Variants in RPH3A observed in about 807,000 individuals in gnomAD.
RPH3A encodes rabphilin 3A.
Under a neutral mutation model 102.2 loss-of-function variants are expected in RPH3A, and 48 were observed. That is an observed-to-expected ratio of 0.47 (90% CI 0.37 to 0.60). The LOEUF is 0.60. Among genes scored for constraint, RPH3A ranks in the 20% least tolerant of loss-of-function variants. RPH3A has a pLI of 0.00. For synonymous variants in RPH3A, 310 were observed against 324.3 expected (o/e 0.96, Z 0.47); for missense variants, 781 against 910.1 (o/e 0.86, Z 1.83).
intron 2 of RPH3A, among the ~76,000 whole-genome samples, chr12:112,810,231 T>C (rs1473241471): frequency 1.3e-5 from 2 of 152,170 alleles, no homozygotes; most frequent in African/African-American, 4.8e-5. Flanking sequence ...GTCCTCAGCT[T>C]TGAAAGATGG....
At chr12:112,653,368 T>TAAA (rs754219546) in intron 1 of RPH3A, among the ~76,000 whole-genome samples, 2 of 109,260 alleles carry the variant, frequency 1.8e-5, no homozygotes, top group South Asian at 3.0e-4. Flanking sequence ...AGACTCCATC[T>TAAA]AAAAAAAAAA....
intron 1 of RPH3A, among the ~76,000 whole-genome samples, chr12:112,605,874 C>G (rs1469594517): frequency 6.6e-6 from 1 of 152,170 alleles, no homozygotes; most frequent in Non-Finnish European, 1.5e-5. Context: ...TTGGAGTGCT[C>G]AGAAAGATTT....
At chr12:112,713,042 T>C (rs1175076000) in intron 1 of RPH3A, among the ~76,000 whole-genome samples, 1 of 85,114 alleles carries the variant, frequency 1.2e-5, no homozygotes, top group African/African-American at 5.8e-5. Context: ...TTCTTCTTCT[T>C]CTTCTTCTCC....
At chr12:112,731,310 C>G (rs1186046187) in intron 1 of RPH3A, among the ~76,000 whole-genome samples, 1 of 152,110 alleles carries the variant, frequency 6.6e-6, no homozygotes, top group Non-Finnish European at 1.5e-5. Flanking sequence ...TTTCCATTCT[C>G]TGTTTTTGTG....
intron 1 of RPH3A, among the ~76,000 whole-genome samples, chr12:112,647,595 G>A (rs1268883367): frequency 7.2e-6 from 1 of 138,152 alleles, no homozygotes; most frequent in East Asian, 2.0e-4. Flanking sequence ...GAGAGGGTGT[G>A]TGTGTGTGTA....
At chr12:112,813,420 C>T (rs1323512644) in intron 2 of RPH3A, 2 of 152,192 alleles carry the variant, frequency 1.3e-5, no homozygotes, top group Non-Finnish European at 2.9e-5. Flanking sequence ...CACCTGGTGC[C>T]TGGAAAGGAG....
In RPH3A at chr12:112,847,571, G is replaced by A. The variant is rs2042251299; in HGVS notation, c.84-125G>A. 3 of 1,043,678 alleles carry A rather than the reference G, an allele frequency of 2.9e-6. No homozygotes were observed. In the South Asian group the frequency reaches 4.6e-5, roughly 16 times the overall value. The allele number at this position is 1,043,678 out of a possible 1,614,324, so 64.7% of individuals were successfully genotyped here. A position where few individuals can be genotyped will look rare whatever the true frequency, so the allele number is the denominator to read the frequency against. ...AGTATGTGTGTCCCATTGCAGAGAGGAGCAGATTGAAGCTCTGAGAGAGAT... is the reference window on the plus strand; with the variant it reads ...AGTATGTGTGTCCCATTGCAGAGAGAAGCAGATTGAAGCTCTGAGAGAGAT... On this transcript the variant is annotated intron_variant, in intron 4 of 21. Transcript: ENST00000389385.
At chr12:112,636,670 C>A (rs1167492248) in intron 1 of RPH3A, among the ~76,000 whole-genome samples, 3 of 152,106 alleles carry the variant, frequency 2.0e-5, no homozygotes, top group East Asian at 1.9e-4. Context: ...TTGCCATCTG[C>A]CACACTTAGT....
At chr12:112,766,815 C>T (rs2040892900) in intron 1 of RPH3A, among the ~76,000 whole-genome samples, 1 of 152,154 alleles carries the variant, frequency 6.6e-6, no homozygotes, top group African/African-American at 2.4e-5. Flanking sequence ...TGTTGCTCCT[C>T]CCTATGGAGC....
chr12:112,646,537 G>A (rs1469040489), intron 1 of RPH3A, among the ~76,000 whole-genome samples: 3 of 152,080 alleles, frequency 2.0e-5, no homozygotes, highest in South Asian at 2.1e-4. Context: ...GCTCTCAGCC[G>A]GTCACACTCC....
At chr12:112,611,181 C>T (rs2135974288) in intron 1 of RPH3A, among the ~76,000 whole-genome samples, 1 of 152,302 alleles carries the variant, frequency 6.6e-6, no homozygotes, top group East Asian at 1.9e-4. Context: ...GTCAAGCATT[C>T]TTTCTTTCTT....
intron 1 of RPH3A, among the ~76,000 whole-genome samples, chr12:112,757,842 C>T (rs112181414): frequency 2.0e-5 from 3 of 152,252 alleles, no homozygotes; most frequent in African/African-American, 7.2e-5. Flanking sequence ...TGGGCTCTCA[C>T]CTGGATGGAA....
intron 1 of RPH3A, among the ~76,000 whole-genome samples, chr12:112,656,866 G>A (rs1206500549): frequency 6.6e-6 from 1 of 151,692 alleles, no homozygotes; most frequent in Non-Finnish European, 1.5e-5. Context: ...GGACACTTAG[G>A]TTGATTCCAT....
At chr12:112,759,965 C>G (rs1460914615) in intron 1 of RPH3A, among the ~76,000 whole-genome samples, 1 of 152,196 alleles carries the variant, frequency 6.6e-6, no homozygotes. Context: ...GGTGCTGAGT[C>G]ACGTCGGCTG....
At chr12:112,882,039 T>C (rs1370297622) in intron 15 of RPH3A, among the ~76,000 whole-genome samples, 193 bp downstream of exon 15, 1 of 152,232 alleles carries the variant, frequency 6.6e-6, no homozygotes, top group Non-Finnish European at 1.5e-5. Context: ...GTAGGGGCTC[T>C]GCCCATTTCT....
intron 10 of RPH3A, among the ~76,000 whole-genome samples, chr12:112,874,589 T>C (rs571295304): frequency 1.6e-4 from 25 of 152,162 alleles, no homozygotes; most frequent in Non-Finnish European, 3.1e-4. Context: ...ACAGGCCATA[T>C]GGGAAACAGC....
chr12:112,642,223 C>T (rs971123963), intron 1 of RPH3A, among the ~76,000 whole-genome samples: 5 of 152,176 alleles, frequency 3.3e-5, no homozygotes, highest in Non-Finnish European at 7.3e-5. Context: ...TGAGGCTAAA[C>T]TGCATGTTTA....
At chr12:112,680,974 C>T (rs372821716) in intron 1 of RPH3A, among the ~76,000 whole-genome samples, 28 of 152,152 alleles carry the variant, frequency 1.8e-4, no homozygotes, top group African/African-American at 6.0e-4. Flanking sequence ...TTCTTCTTCT[C>T]GCATTGCTCC....
intron 1 of RPH3A, among the ~76,000 whole-genome samples, chr12:112,677,415 CT>C (rs2040186476): frequency 3.0e-5 from 1 of 33,242 alleles, no homozygotes; most frequent in Non-Finnish European, 5.6e-5. Flanking sequence ...CCCTCCTTCC[CT>C]CCTTCCTTCC....
Sources: gnomAD v4.1 joint callset for allele counts (sites outside exome capture counted in the v4.1 genomes callset) on GRCh38, gnomAD v4.1.1 for gene constraint, MANE v1.5 for transcripts, NCBI Gene and HGNC (gene_info 2026-07-23, HGNC 2026-07-21) for gene names.